The following FAM169A variants were observed in gnomAD, a reference collection of about 807,000 sequenced individuals.
FAM169A encodes the protein soluble lamin-associated protein of 75 kDa.
In FAM169A, 24 loss-of-function variants were observed where a neutral mutation model predicts 75.7. The observed-to-expected ratio is 0.32, with a 90% CI of 0.23 to 0.45. The LOEUF (loss-of-function observed/expected upper bound fraction) is 0.45. FAM169A is among the 20% of genes least tolerant of loss of function. The pLI, the probability that FAM169A is intolerant of heterozygous loss-of-function variation, is 1.00. For synonymous variants in FAM169A, 271 were observed against 271.0 expected (o/e 1.00, Z 0.00); for missense variants, 673 against 784.0 (o/e 0.86, Z 1.69).
chr5:74,834,521 T>C lies in FAM169A; in HGVS notation c.395A>G (p.Asn132Ser), dbSNP rs1580142488. The C allele has an allele frequency of 1.2e-6, 2 of 1,604,490 alleles. No individual in the cohort carries two copies. Among genetic ancestry groups the C allele is most frequent in the African/African-American group, 1.3e-5 (1 of 74,558 alleles). Reference sequence around the variant, plus strand: ...GCTATGACACAGGAATGGGATCTCATTTCTCTCCATTTCCTGTTTTCTATA... The same window carrying C: ...GCTATGACACAGGAATGGGATCTCACTTCTCTCCATTTCCTGTTTTCTATA... The part of the protein sequence containing the change: ...IIYRKQEMER[N>S]EIPFLCHSST... The change falls in exon 5 of 13, where the codon AAT (asparagine) becomes AGT (serine). Residue 132 changes from asparagine to serine, a missense_variant. Asn to Ser is a conservative substitution (Grantham distance 46). Transcript: ENST00000687041.
At chr5:74,834,338 T>G in intron 5 of FAM169A, 88 bp downstream of exon 5, 1 of 724,380 alleles carries the variant, frequency 1.4e-6, no homozygotes, top group African/African-American at 1.8e-5. Flanking sequence ...ATGCTAGAGA[T>G]TAATTTAACA....
intron 11 of FAM169A, among the ~76,000 whole-genome samples, chr5:74,785,395 A>T (rs1373184879): frequency 2.0e-5 from 3 of 152,256 alleles, no homozygotes; most frequent in Non-Finnish European, 4.4e-5. Flanking sequence ...TTTTTAAAAA[A>T]TACGTGCTTT....
chr5:74,797,466 C>T (rs1054043000), intron 10 of FAM169A, among the ~76,000 whole-genome samples: 60 of 152,164 alleles, frequency 3.9e-4, no homozygotes, highest in African/African-American at 1.4e-3. Context: ...CATGAGCCAC[C>T]GTGCCCAGCC....
intron 1 of FAM169A, among the ~76,000 whole-genome samples, chr5:74,842,632 A>C (rs1181544480): frequency 6.9e-6 from 1 of 144,144 alleles, no homozygotes; most frequent in Non-Finnish European, 1.5e-5. Flanking sequence ...CTTGGGCTCA[A>C]GCAATTCTTC....
In FAM169A at chr5:74,831,538, T is replaced by C. The variant is rs72764679; in HGVS notation, c.490+2888A>G. Among the ~76,000 whole-genome samples the C allele has an allele frequency of 1.6e-3, 251 of 152,260 alleles. 2 individuals are homozygous for C. Among genetic ancestry groups the C allele is most frequent in the Middle Eastern group, 0.014 (4 of 294 alleles). On this transcript the variant is annotated intron_variant, in intron 5 of 12. Coordinates refer to ENST00000687041, the MANE Select transcript of FAM169A (RefSeq NM_001376049.1). ...TGGATTTCAGATTTTGGGGGGAATG[T>C]TGGAATATTTGCATTTTCCTTTCTT...
chr5:74,795,020 G>A (rs1580086389), intron 11 of FAM169A, among the ~76,000 whole-genome samples: 1 of 152,292 alleles, frequency 6.6e-6, no homozygotes, highest in Non-Finnish European at 1.5e-5. Context: ...CACTTTGGGA[G>A]GCTGAGGCGG....
chr5:74,817,520 A>C (rs1045831076), intron 5 of FAM169A, among the ~76,000 whole-genome samples: 30 of 152,180 alleles, frequency 2.0e-4, no homozygotes, highest in African/African-American at 7.0e-4. Context: ...TTGTTAAAAG[A>C]AATTAGAGAA....
At chr5:74,830,530 G>A (rs1018886624) in intron 5 of FAM169A, among the ~76,000 whole-genome samples, 1 of 152,140 alleles carries the variant, frequency 6.6e-6, no homozygotes, top group African/African-American at 2.4e-5. Flanking sequence ...AGACACAGGA[G>A]ATTATGAGAA....
intron 11 of FAM169A, among the ~76,000 whole-genome samples, chr5:74,791,885 T>C (rs141942598): frequency 0.013 from 2,005 of 152,360 alleles, 124 homozygotes; most frequent in Admixed American, 0.1. Context: ...CGTGACCAGC[T>C]GCAGAAACCA....
chr5:74,833,801 C>T (rs2112648486), intron 5 of FAM169A, among the ~76,000 whole-genome samples: 1 of 152,242 alleles, frequency 6.6e-6, no homozygotes, highest in South Asian at 2.1e-4. Context: ...CTTCCTGGCT[C>T]CAGCTGCTCT....
chr5:74,799,928 T>C, intron 10 of FAM169A: 1 of 853,018 alleles, frequency 1.2e-6, no homozygotes, highest in Non-Finnish European at 2.0e-6. Context: ...GGGCCACGAC[T>C]GAGGGCTCCA....
chr5:74,791,159 G>C (rs895150884), intron 11 of FAM169A, among the ~76,000 whole-genome samples: 12 of 152,174 alleles, frequency 7.9e-5, no homozygotes, highest in Non-Finnish European at 1.6e-4. Context: ...CAGAATGGTG[G>C]AATGTCCTTT....
chr5:74,818,860 G>A lies in FAM169A; in HGVS notation c.491-4841C>T, dbSNP rs1747625017. ...AATTTTCAACTTTAAATATGGGCAG[G>A]TTTTCGTATGTCAGTTATATCACAA... On this transcript the variant is annotated intron_variant, in intron 5 of 12. Coordinates refer to ENST00000687041, the MANE Select transcript of FAM169A (RefSeq NM_001376049.1). 3.3e-5 allele frequency among the ~76,000 whole-genome samples: 5 copies of A among 149,416 alleles called. No individual in the cohort carries two copies. In the Admixed American group the frequency reaches 3.4e-4, roughly 10 times the overall value.
At chr5:74,830,213 G>C (rs1165795554) in intron 5 of FAM169A, among the ~76,000 whole-genome samples, 1 of 152,066 alleles carries the variant, frequency 6.6e-6, no homozygotes. Context: ...CTTGATGATG[G>C]GGAACTTGCA....
chr5:74,860,598 A>C (rs1029256980), intron 1 of FAM169A, among the ~76,000 whole-genome samples: 3 of 152,100 alleles, frequency 2.0e-5, no homozygotes, highest in African/African-American at 7.2e-5. Context: ...CTTTCTGGAG[A>C]GGGATCTAGG....
rs118054552 is a variant in FAM169A at position 74,823,636 on chromosome 5, G to A, written c.491-9617C>T. The stretch of plus-strand genomic sequence containing the variant: ...TCCACTAAAGTCAACTCTATCTCTC[G>A]AATAAACAGAACCCTTATTGGCAAG... On this transcript the variant is annotated intron_variant, in intron 5 of 12. Transcript: ENST00000687041. Among the ~76,000 whole-genome samples, 33 of 152,136 alleles carry A rather than the reference G, an allele frequency of 2.2e-4. No individual in the cohort carries two copies. In the East Asian group the frequency reaches 4.6e-3, roughly 21 times the overall value.
At chr5:74,823,525 G>A (rs1325233812) in intron 5 of FAM169A, among the ~76,000 whole-genome samples, 2 of 152,012 alleles carry the variant, frequency 1.3e-5, no homozygotes, top group Admixed American at 6.6e-5. Context: ...ACAGCTTATC[G>A]ACTATGATGT....
intron 2 of FAM169A, among the ~76,000 whole-genome samples, chr5:74,840,555 A>G (rs1043214023): frequency 1.1e-4 from 17 of 151,132 alleles, no homozygotes; most frequent in East Asian, 5.9e-4. Context: ...CAGGCCGGGC[A>G]CAGTGGCTCA....
chr5:74,856,905 C>T (rs1481654543), intron 1 of FAM169A, among the ~76,000 whole-genome samples: 1 of 150,618 alleles, frequency 6.6e-6, no homozygotes, highest in Non-Finnish European at 1.5e-5. Flanking sequence ...GTCAGGAGAT[C>T]GAGACCATCC....
Sources: gnomAD v4.1 joint callset for allele counts (sites outside exome capture counted in the v4.1 genomes callset) on GRCh38, gnomAD v4.1.1 for gene constraint, MANE v1.5 for transcripts, NCBI Gene and HGNC (gene_info 2026-07-23, HGNC 2026-07-21) for gene names.